The following ANKRD31 variants were observed in gnomAD, a reference collection of about 807,000 sequenced individuals.
ANKRD31 encodes the protein ankyrin repeat domain-containing protein 31.
In ANKRD31, 147 loss-of-function variants were observed where a neutral mutation model predicts 186.0. The ratio of observed to expected loss-of-function variants is 0.79; its 90% confidence interval spans 0.69 to 0.91. ANKRD31 has a LOEUF of 0.91. Among genes scored for constraint, ANKRD31 ranks in the 40% least tolerant of loss-of-function variants. The pLI, the probability that ANKRD31 is intolerant of heterozygous loss-of-function variation, is 0.00. For missense variants in ANKRD31, 1,986 were observed against 2,148.8 expected (o/e 0.92, Z 1.50); for synonymous variants, 673 against 736.4 (o/e 0.91, Z 1.39).
At chr5:75,097,844 AG>A (rs1350136980) in intron 22 of ANKRD31, among the ~76,000 whole-genome samples, 1 of 152,166 alleles carries the variant, frequency 6.6e-6, no homozygotes, top group Non-Finnish European at 1.5e-5. Context: ...ATAAGGTGTA[AG>A]GAAGGGATCC....
At chr5:75,180,198 G>A (rs1754176382) in intron 10 of ANKRD31, among the ~76,000 whole-genome samples, 1 of 152,094 alleles carries the variant, frequency 6.6e-6, no homozygotes, top group African/African-American at 2.4e-5. Context: ...ACCTCTTCAA[G>A]GAGAACTACA....
At chr5:75,158,879 C>T (rs2150168275) in intron 11 of ANKRD31, among the ~76,000 whole-genome samples, 1 of 151,962 alleles carries the variant, frequency 6.6e-6, no homozygotes, top group East Asian at 1.9e-4. Flanking sequence ...AAAAAGCAGC[C>T]ACAGGAACTG....
chr5:75,154,607 A>T lies in ANKRD31; in HGVS notation c.1708-262T>A, dbSNP rs188253879. ...GAGAAAAAGAAAGAAGGAGGGAAGA[A>T]AAGAAAGGGAGAAGGAGGTAAGGGG... On this transcript the variant is annotated intron_variant, in intron 11 of 25. Coordinates refer to ENST00000506364, the MANE Select transcript of ANKRD31 (RefSeq NM_001372053.1). Among the ~76,000 whole-genome samples, 811 of 152,158 alleles carry T rather than the reference A, an allele frequency of 5.3e-3. 2 individuals are homozygous for T. Among genetic ancestry groups the T allele is most frequent in the Middle Eastern group, 0.02 (6 of 294 alleles).
chr5:75,192,657 T>C lies in ANKRD31; in HGVS notation c.1408+10A>G. 6.7e-7 allele frequency: 1 copy of C among 1,489,584 alleles called. No individual in the cohort carries two copies. Among genetic ancestry groups the C allele is most frequent in the Non-Finnish European group, 9.0e-7 (1 of 1,108,660 alleles). The allele number at this position is 1,489,584 out of a possible 1,614,324, so 92.3% of individuals were successfully genotyped here. ...AAAAGAAATAGAAAAATACTCAAAATATGCATCACCTTTTTTTCCTGAAAA... is the reference window on the plus strand; with the variant it reads ...AAAAGAAATAGAAAAATACTCAAAACATGCATCACCTTTTTTTCCTGAAAA... On this transcript the variant is annotated intron_variant, in intron 9 of 25. Transcript: ENST00000506364.
At chr5:75,112,647 G>T in intron 19 of ANKRD31, 47 bp from the exon 20 acceptor site, 1 of 1,203,450 alleles carries the variant, frequency 8.3e-7, no homozygotes, top group Non-Finnish European at 1.1e-6. Context: ...GGGTAGATAT[G>T]CTCTCTGATA....
At chr5:75,109,846 C>A (rs1418348080) in intron 20 of ANKRD31, among the ~76,000 whole-genome samples, 4 of 152,044 alleles carry the variant, frequency 2.6e-5, no homozygotes, top group Non-Finnish European at 5.9e-5. Context: ...AAAATAGAAG[C>A]TGAGAGAAGA....
In ANKRD31 at chr5:75,099,003, T is replaced by C. The variant is rs1329437956; in HGVS notation, c.5331+5225A>G. ...GTGGTGAGAGAGGGCATCCCTGTCT[T>C]GTGCCAGTTTTCAAAGGGAATGCTT... On this transcript the variant is annotated intron_variant, in intron 22 of 25. Coordinates refer to ENST00000506364, the MANE Select transcript of ANKRD31 (RefSeq NM_001372053.1). 2.0e-5 allele frequency among the ~76,000 whole-genome samples: 3 copies of C among 152,222 alleles called. No individual in the cohort carries two copies. In the East Asian group the frequency reaches 5.8e-4, roughly 29 times the overall value.
intron 2 of ANKRD31, among the ~76,000 whole-genome samples, chr5:75,226,082 A>G (rs183691996): frequency 4.1e-4 from 62 of 152,334 alleles, no homozygotes; most frequent in African/African-American, 1.4e-3. Context: ...TACCTATGGA[A>G]ACGGGAAGGA....
chr5:75,146,483 A>G lies in ANKRD31; in HGVS notation c.2928T>C (p.Tyr976=), dbSNP rs1251603188. 3.9e-6 allele frequency: 6 copies of G among 1,536,392 alleles called. No homozygotes were observed. The highest frequency in any genetic ancestry group is 5.2e-6 in the Non-Finnish European group (6 of 1,146,474). The change falls in exon 14 of 26, where the codon TAT becomes TAC. Residue 976 remains tyrosine, a synonymous_variant. Transcript: ENST00000506364. ...LPEQEAVNFS[Y]SDNAVISEHV... ...GTTCAGAAATAACTGCATTATCTGA[A>G]TAAGAAAAATTAACAGCTTCCTGTT...
In ANKRD31 at chr5:75,118,124, G is replaced by C. The variant is rs1748443794; in HGVS notation, c.4039+11C>G. ...CTCTATATAAAATAGCAGCAATATT[G>C]ATATACATACCATTGACTATAGCAT... On this transcript the variant is annotated intron_variant, in intron 18 of 25. Transcript: ENST00000506364. 7.1e-7 allele frequency: 1 copy of C among 1,408,780 alleles called. No homozygotes were observed. The highest frequency in any genetic ancestry group is 1.7e-5 in the South Asian group (1 of 59,358). The allele number at this position is 1,408,780 out of a possible 1,614,324, so 87.3% of individuals were successfully genotyped here.
chr5:75,209,271 C>G lies in ANKRD31; in HGVS notation c.326+1557G>C, dbSNP rs543385526. On this transcript the variant is annotated intron_variant, in intron 4 of 25. Coordinates refer to ENST00000506364, the MANE Select transcript of ANKRD31 (RefSeq NM_001372053.1). ...GTTATGTATGTTTTCCTAATGTTGA[C>G]ATATTTTATTATAAAATATCAAAAA... is the stretch of plus-strand genomic sequence containing the variant. 5.9e-4 allele frequency among the ~76,000 whole-genome samples: 89 copies of G among 151,892 alleles called. 1 individual carries two copies. Among genetic ancestry groups the G allele is most frequent in the African/African-American group, 2.1e-3 (85 of 41,432 alleles).
intron 25 of ANKRD31, among the ~76,000 whole-genome samples, chr5:75,072,993 T>G (rs1744363101): frequency 6.6e-6 from 1 of 152,168 alleles, no homozygotes; most frequent in Non-Finnish European, 1.5e-5. Context: ...ACAGTGATTG[T>G]TTTAGGAACT....
intron 25 of ANKRD31, among the ~76,000 whole-genome samples, chr5:75,074,262 A>G (rs1044844370): frequency 3.3e-5 from 5 of 152,194 alleles, no homozygotes; most frequent in African/African-American, 1.2e-4. Flanking sequence ...TTCCATAGTG[A>G]TAAGAATGGA....
intron 9 of ANKRD31, among the ~76,000 whole-genome samples, chr5:75,189,742 A>G (rs1199048713): frequency 1.3e-5 from 2 of 152,142 alleles, no homozygotes; most frequent in East Asian, 3.9e-4. Context: ...AAGCTGTATG[A>G]TTTCTGTAGA....
Position 75,195,925 on chromosome 5 carries a change from T to C in ANKRD31, c.723A>G (p.Glu241=). 2 of 1,535,752 alleles carry C rather than the reference T, an allele frequency of 1.3e-6. No individual in the cohort carries two copies. The highest frequency in any genetic ancestry group is 1.2e-5 in the South Asian group (1 of 83,810). ...CTTTACGATCAAAATCACTTACTAA[T>C]TCAAACAATCTTTCCTCCTGGGTGC... is the stretch of plus-strand genomic sequence containing the variant. ...PESTQEERLF[E]LVSDFDRKEL... The change falls in exon 7 of 26, where the codon GAA becomes GAG. Residue 241 remains glutamate (E), a synonymous_variant. Transcript: ENST00000506364.
At chr5:75,126,626 G>C (rs1749280416) in intron 17 of ANKRD31, among the ~76,000 whole-genome samples, 1 of 152,080 alleles carries the variant, frequency 6.6e-6, no homozygotes. Flanking sequence ...CCAATACTTT[G>C]TAAATATGTA....
chr5:75,109,210 T>A (rs1322982072), intron 20 of ANKRD31, among the ~76,000 whole-genome samples: 1 of 152,202 alleles, frequency 6.6e-6, no homozygotes, highest in Non-Finnish European at 1.5e-5. Flanking sequence ...TTCAGATGAA[T>A]TATGCATTAA....
At chr5:75,170,780 T>C (rs1017688237) in intron 10 of ANKRD31, among the ~76,000 whole-genome samples, 2 of 152,038 alleles carry the variant, frequency 1.3e-5, no homozygotes, top group African/African-American at 2.4e-5. Flanking sequence ...AGTAAAAGGA[T>C]AGAAAAACAT....
chr5:75,079,759 AGCAACTGCGCCCG>A (rs2150010703), intron 25 of ANKRD31, among the ~76,000 whole-genome samples: 1 of 152,344 alleles, frequency 6.6e-6, no homozygotes, highest in South Asian at 2.1e-4. Context: ...TACAAGCATG[AGCAACTGCGCCCG>A]GCCAAGGCCA....
Sources: allele counts gnomAD v4.1 joint callset (sites outside exome capture counted in the v4.1 genomes callset), GRCh38; gene constraint gnomAD v4.1.1; transcripts MANE v1.5; gene names NCBI Gene and HGNC (gene_info 2026-07-23, HGNC 2026-07-21).